Variants in SLC38A6 observed in about 807,000 individuals in gnomAD.
SLC38A6 encodes N system amino acid transporter NAT-1.
SLC38A6 carries 73 observed loss-of-function variants against 65.0 expected under a neutral mutation model. The observed-to-expected ratio is 1.12, with a 90% CI of 0.93 to 1.37. SLC38A6 has a LOEUF of 1.37. Among genes scored for constraint, SLC38A6 ranks in the 40% most tolerant of loss-of-function variants. The pLI is 0.00. For synonymous variants in SLC38A6, 183 were observed against 178.8 expected (o/e 1.02, Z -0.19); for missense variants, 561 against 531.1 (o/e 1.06, Z -0.55).
At chr14:61,013,432 G>A (rs144101749) in intron 3 of SLC38A6, among the ~76,000 whole-genome samples, 60 of 152,306 alleles carry the variant, frequency 3.9e-4, no homozygotes, top group African/African-American at 1.4e-3. Context: ...TCGTTATGAT[G>A]TTAGCTGGTT....
At chr14:61,023,667 A>T (rs1029364999) in intron 5 of SLC38A6, among the ~76,000 whole-genome samples, 10 of 151,452 alleles carry the variant, frequency 6.6e-5, no homozygotes, top group African/African-American at 2.4e-4. Flanking sequence ...TCATATCTTA[A>T]TGTTTCTTAA....
chr14:60,984,039 A>C (rs936703496), intron 2 of SLC38A6, among the ~76,000 whole-genome samples: 1 of 152,220 alleles, frequency 6.6e-6, no homozygotes, highest in Non-Finnish European at 1.5e-5. Flanking sequence ...CACTGGGGAT[A>C]GCTGTATAGA....
At chr14:60,998,604 G>T (rs2038459645) in intron 3 of SLC38A6, among the ~76,000 whole-genome samples, 1 of 152,194 alleles carries the variant, frequency 6.6e-6, no homozygotes, top group Admixed American at 6.5e-5. Flanking sequence ...CACAGGAAAA[G>T]AATCTGGGTA....
At chr14:61,013,710 G>T (rs1323536570) in intron 3 of SLC38A6, among the ~76,000 whole-genome samples, 3 of 152,106 alleles carry the variant, frequency 2.0e-5, no homozygotes, top group African/African-American at 7.2e-5. Flanking sequence ...TTGAATATTG[G>T]CCCCCAATGT....
intron 3 of SLC38A6, among the ~76,000 whole-genome samples, chr14:60,989,551 C>G (rs941009270): frequency 6.6e-6 from 1 of 152,002 alleles, no homozygotes; most frequent in Non-Finnish European, 1.5e-5. Context: ...TGGTGAAACC[C>G]CATCTCTACA....
chr14:61,018,951 C>G (rs527922315), intron 4 of SLC38A6, among the ~76,000 whole-genome samples: 1 of 152,244 alleles, frequency 6.6e-6, no homozygotes, highest in African/African-American at 2.4e-5. Context: ...CTCCAATATC[C>G]TACAGTTCTT....
chr14:61,020,493 A>G (rs1566662711), intron 5 of SLC38A6, among the ~76,000 whole-genome samples: 2 of 152,158 alleles, frequency 1.3e-5, no homozygotes, highest in South Asian at 4.1e-4. Flanking sequence ...GTTCAATCAA[A>G]TTCCATCGTT....
rs189106335 is a variant in SLC38A6, at chr14:61,067,309, G to A, written c.1291-11501G>A. ...TATTTGGGAAAAACTCGAGTAAGCC[G>A]TTAAGCATTGAATATACGTACACTT... On this transcript the variant is annotated intron_variant, in intron 15 of 16. Transcript: ENST00000354886. Among the ~76,000 whole-genome samples the A allele has an allele frequency of 3.9e-5, 6 of 152,226 alleles. No homozygotes were observed. The East Asian group carries it at 7.7e-4, about 20-fold the overall frequency.
At chr14:60,985,990 C>CA (rs945096343) in intron 3 of SLC38A6, among the ~76,000 whole-genome samples, 1 of 152,218 alleles carries the variant, frequency 6.6e-6, no homozygotes, top group African/African-American at 2.4e-5. Flanking sequence ...AGGAAGGCAC[C>CA]AAGCCATTCA....
At chr14:61,069,100 A>G (rs1465144) in intron 15 of SLC38A6, among the ~76,000 whole-genome samples, 133,248 of 152,156 alleles carry the variant, frequency 0.88, 59,203 homozygotes, top group Non-Finnish European at 0.96. Flanking sequence ...TTCCACCCCA[A>G]CCAATTAAAT....
downstream of SLC38A6, among the ~76,000 whole-genome samples, chr14:61,055,026 G>A (rs1176885347): frequency 1.3e-5 from 2 of 149,942 alleles, no homozygotes; most frequent in Admixed American, 6.6e-5. Flanking sequence ...TTATTTTGAG[G>A]TATGTTCCTA....
intron 6 of SLC38A6, among the ~76,000 whole-genome samples, chr14:61,033,606 AGTTT>A (rs2041152967): frequency 6.6e-6 from 1 of 152,106 alleles, no homozygotes; most frequent in Non-Finnish European, 1.5e-5. Context: ...TCTTTTTACT[AGTTT>A]GTTTTTCTCA....
chr14:61,012,434 A>G (rs2139493934), intron 3 of SLC38A6, among the ~76,000 whole-genome samples: 1 of 152,064 alleles, frequency 6.6e-6, no homozygotes, highest in Non-Finnish European at 1.5e-5. Flanking sequence ...TAGCTTTTGA[A>G]TGTGTTTGCT....
chr14:61,079,965 A>G (rs184991846), intron 16 of SLC38A6, among the ~76,000 whole-genome samples: 25 of 152,276 alleles, frequency 1.6e-4, no homozygotes, highest in African/African-American at 6.0e-4. Context: ...AGAGAGGATC[A>G]CTTGGTACAC....
intron 3 of SLC38A6, among the ~76,000 whole-genome samples, chr14:60,993,602 A>T (rs1327633939): frequency 6.6e-6 from 1 of 152,196 alleles, no homozygotes; most frequent in Non-Finnish European, 1.5e-5. Context: ...GATTGGAGGA[A>T]TATTTTCAAC....
At chr14:61,046,978 G>A (rs905187521) in intron 12 of SLC38A6, among the ~76,000 whole-genome samples, 2 of 152,048 alleles carry the variant, frequency 1.3e-5, no homozygotes, top group Non-Finnish European at 2.9e-5. Flanking sequence ...TGGATGTTGG[G>A]TTTGTTAGTT....
chr14:61,038,804 T>G (rs1214781952), intron 8 of SLC38A6, among the ~76,000 whole-genome samples: 1 of 152,248 alleles, frequency 6.6e-6, no homozygotes, highest in Non-Finnish European at 1.5e-5. Context: ...TTTAATCATT[T>G]GTTGAATTTA....
At chr14:61,070,046 A>G (rs536109141) in intron 15 of SLC38A6, among the ~76,000 whole-genome samples, 5 of 152,218 alleles carry the variant, frequency 3.3e-5, no homozygotes, top group South Asian at 2.1e-4. Context: ...TAGTTGTGCT[A>G]AAACAAAAAA....
chr14:60,999,032 A>G (rs576529091), intron 3 of SLC38A6, among the ~76,000 whole-genome samples: 25 of 152,336 alleles, frequency 1.6e-4, no homozygotes, highest in African/African-American at 6.0e-4. Context: ...TATACTACCT[A>G]TTGTATTCAA....
Sources: allele counts gnomAD v4.1 joint callset (sites outside exome capture counted in the v4.1 genomes callset), GRCh38; gene constraint gnomAD v4.1.1; transcripts MANE v1.5; gene names NCBI Gene and HGNC (gene_info 2026-07-23, HGNC 2026-07-21).